The following TMEM8B variants were observed in gnomAD, a reference collection of about 807,000 sequenced individuals.
TMEM8B encodes transmembrane protein 8B.
In TMEM8B, 29 loss-of-function variants were observed where a neutral mutation model predicts 49.3. The observed-to-expected ratio is 0.59, with a 90% CI of 0.44 to 0.80. The LOEUF is 0.80. Among genes scored for constraint, TMEM8B ranks in the 30% least tolerant of loss-of-function variants. TMEM8B has a pLI of 0.00. For missense variants in TMEM8B, 575 were observed against 658.5 expected (o/e 0.87, Z 1.39); for synonymous variants, 264 against 272.8 (o/e 0.97, Z 0.32).
rs1270944465 is a variant in TMEM8B, at chr9:35,856,592, A to G, written c.*2752A>G. ...GATGGACTTTGGGAGACCTTGGAGG[A>G]CAAAGTGCAGTGACCACAGCTATTG... On this transcript the variant is annotated 3_prime_UTR_variant, in exon 13 of 13. Transcript: ENST00000643932. The G allele has an allele frequency of 1.3e-5, 2 of 152,188 alleles. No homozygotes were observed. Among genetic ancestry groups the G allele is most frequent in the Admixed American group, 6.5e-5 (1 of 15,280 alleles). 9.4% of individuals were successfully genotyped at this position (152,188 alleles called of 1,614,324 possible). A position where few individuals can be genotyped will look rare whatever the true frequency, so the allele number is the denominator to read the frequency against.
At chr9:35,833,209 A>G (rs1830084952) in intron 1 of TMEM8B, 1 of 483,246 alleles carries the variant, frequency 2.1e-6, no homozygotes. Flanking sequence ...AGAGAGGGAG[A>G]TGATTGGACT....
At chr9:35,845,946 G>A in intron 6 of TMEM8B, 29 bp from the exon 7 acceptor site, 2 of 1,612,576 alleles carry the variant, frequency 1.2e-6, no homozygotes, top group Non-Finnish European at 1.7e-6. Context: ...AGGATGTGGC[G>A]GCCTCACTTC....
At position 35,830,087 on chromosome 9, in the gene TMEM8B, G is replaced by A. The variant is rs904787969; in HGVS notation, c.508+132G>A. 7.5e-6 allele frequency: 3 copies of A among 401,022 alleles called. No individual in the cohort carries two copies. The Admixed American group carries it at 1.3e-4, about 18-fold the overall frequency. 24.8% of individuals were successfully genotyped at this position (401,022 alleles called of 1,614,324 possible). On this transcript the variant is annotated intron_variant, in intron 1 of 12. Transcript: ENST00000643932. Reference sequence around the variant, plus strand: ...GAGCAAGTGGGAGAAATAGAGAGTAGAGAGGTCTTACACAACAGGGATTGG... The same window carrying A: ...GAGCAAGTGGGAGAAATAGAGAGTAAAGAGGTCTTACACAACAGGGATTGG...
intron 10 of TMEM8B, among the ~76,000 whole-genome samples, chr9:35,849,855 A>G (rs776589212): frequency 2.0e-5 from 3 of 152,236 alleles, no homozygotes; most frequent in Admixed American, 6.5e-5. Context: ...TAATTGTGCA[A>G]CTTGAACCCG....
chr9:35,844,317 T>C (rs941316689), intron 6 of TMEM8B, among the ~76,000 whole-genome samples: 1 of 152,258 alleles, frequency 6.6e-6, no homozygotes, highest in Non-Finnish European at 1.5e-5. Flanking sequence ...TTCTTAGTCA[T>C]TACTGTCAGC....
At chr9:35,836,798 C>G (rs1187295074) in intron 3 of TMEM8B, among the ~76,000 whole-genome samples, 2 of 152,140 alleles carry the variant, frequency 1.3e-5, no homozygotes, top group Admixed American at 1.3e-4. Context: ...CAGAGCTTCC[C>G]CAGGTGTGTG....
chr9:35,850,713 A>G (rs890738743), intron 10 of TMEM8B, among the ~76,000 whole-genome samples: 5 of 152,204 alleles, frequency 3.3e-5, no homozygotes, highest in Admixed American at 3.3e-4. Flanking sequence ...ATGTGTCTTC[A>G]ATGTTTAGTG....
At position 35,845,972 on chromosome 9, in the gene TMEM8B, C is replaced by G. The variant is rs1208399303; in HGVS notation, c.1636-3C>G. ...GCCTCACTTCCATACCTGCCCTCCC[C>G]AGAGCTCCGTGCGCCAGGAAAACGT... On this transcript the variant is annotated splice_polypyrimidine_tract_variant and splice_region_variant and intron_variant, in intron 6 of 12. Transcript: ENST00000643932. 6.2e-7 allele frequency: 1 copy of G among 1,613,878 alleles called. No homozygotes were observed. The highest frequency in any genetic ancestry group is 1.1e-5 in the South Asian group (1 of 91,062).
rs201940289 is a variant in TMEM8B at position 35,853,739 on chromosome 9, C to G, written c.2674C>G (p.Arg892Gly). The change falls in exon 13 of 13, where the codon CGG becomes GGG. Residue 892 changes from arginine (R) to glycine (G), a missense_variant. Transcript: ENST00000643932. This position sits in a 1 kb window ranked among gnomAD's most constrained non-coding sequence, Gnocchi z 4.2. ...KTDHGVPSGA[R>G]ARGCGYQLCI... ...TGACCACGGGGTCCCATCTGGAGCC[C>G]GGGCCCGGGGCTGTGGTTACCAGCT... is the stretch of plus-strand genomic sequence containing the variant. 1.2e-6 allele frequency: 2 copies of G among 1,613,314 alleles called. No homozygotes were observed. Among genetic ancestry groups the G allele is most frequent in the East Asian group, 2.2e-5 (1 of 44,874 alleles).
intron 6 of TMEM8B, among the ~76,000 whole-genome samples, chr9:35,843,334 T>A (rs1158417909): frequency 6.6e-6 from 1 of 152,238 alleles, no homozygotes; most frequent in Non-Finnish European, 1.5e-5. Context: ...TAGTATGATA[T>A]ATTTATTACA....
At chr9:35,839,267 A>G (rs966959700) in intron 3 of TMEM8B, among the ~76,000 whole-genome samples, 1 of 152,130 alleles carries the variant, frequency 6.6e-6, no homozygotes, top group African/African-American at 2.4e-5. Context: ...GCCCATCCAC[A>G]TCTCACTTTT....
intron 10 of TMEM8B, among the ~76,000 whole-genome samples, chr9:35,851,142 G>A (rs1362041752): frequency 2.0e-5 from 3 of 151,982 alleles, no homozygotes; most frequent in South Asian, 2.1e-4. Context: ...TGAGGGTCTC[G>A]TTCTGTCACC....
intron 10 of TMEM8B, among the ~76,000 whole-genome samples, chr9:35,851,617 A>G (rs966099275): frequency 1.3e-5 from 2 of 152,242 alleles, no homozygotes; most frequent in South Asian, 2.1e-4. Flanking sequence ...ATCCTTAGGC[A>G]GTCTCTTTTT....
chr9:35,852,873 T>C lies in TMEM8B; in HGVS notation c.2222T>C (p.Met741Thr), dbSNP rs376489368. The change falls in exon 11 of 13, where the codon ATG becomes ACG. Residue 741 changes from methionine (M) to threonine (T), a missense_variant. Coordinates refer to ENST00000643932, the MANE Select transcript of TMEM8B (RefSeq NM_001042590.4). ...CCAGGCATCGTGGTTTTCTGCATCATGGACTACGATGTGCTGCAGTTCTGT... is the reference window on the plus strand; with the variant it reads ...CCAGGCATCGTGGTTTTCTGCATCACGGACTACGATGTGCTGCAGTTCTGT... ...DQPGIVVFCI[M>T]DYDVLQFCDF... 48 of 1,614,100 alleles carry C rather than the reference T, an allele frequency of 3.0e-5. No homozygotes were observed. The highest frequency in any genetic ancestry group is 3.8e-5 in the Non-Finnish European group (45 of 1,180,040).
chr9:35,845,966 C>T lies in TMEM8B; in HGVS notation c.1636-9C>T, dbSNP rs1831495061. ...GTGGCGGCCTCACTTCCATACCTGC[C>T]CTCCCCAGAGCTCCGTGCGCCAGGA... On this transcript the variant is annotated splice_polypyrimidine_tract_variant and intron_variant, in intron 6 of 12. Transcript: ENST00000643932. 6.2e-7 allele frequency: 1 copy of T among 1,613,712 alleles called. No homozygotes were observed. Among genetic ancestry groups the T allele is most frequent in the Non-Finnish European group, 8.5e-7 (1 of 1,179,860 alleles).
chr9:35,852,713 C>T, intron 10 of TMEM8B, 114 bp from the exon 11 acceptor site: 1 of 1,255,998 alleles, frequency 8.0e-7, no homozygotes, highest in Non-Finnish European at 1.1e-6. Flanking sequence ...CATCTGTGAC[C>T]TTTCACCTCT....
Position 35,846,998 on chromosome 9 carries a change from A to T in TMEM8B, c.2175+3A>T. The T allele has an allele frequency of 6.8e-6, 11 of 1,614,162 alleles. No individual in the cohort carries two copies. Among genetic ancestry groups the T allele is most frequent in the Non-Finnish European group, 9.3e-6 (11 of 1,180,024 alleles). On this transcript the variant is annotated splice_donor_region_variant and intron_variant, in intron 10 of 12. Transcript: ENST00000643932. ...CCTTCACCATGTTCTTCTCCACGGTATGCGGTGGTGTCTGCATCTTATCAC... is the reference window on the plus strand; with the variant it reads ...CCTTCACCATGTTCTTCTCCACGGTTTGCGGTGGTGTCTGCATCTTATCAC...
Position 35,856,174 on chromosome 9 carries a change from A to G in TMEM8B, c.*2334A>G, listed in dbSNP as rs1197215197. 2 of 152,204 alleles carry G rather than the reference A, an allele frequency of 1.3e-5. No homozygotes were observed. Among genetic ancestry groups the G allele is most frequent in the Non-Finnish European group, 2.9e-5 (2 of 68,044 alleles). 9.4% of individuals were successfully genotyped at this position (152,204 alleles called of 1,614,324 possible). A position where few individuals can be genotyped will look rare whatever the true frequency, so the allele number is the denominator to read the frequency against. On this transcript the variant is annotated 3_prime_UTR_variant, in exon 13 of 13. Coordinates refer to ENST00000643932, the MANE Select transcript of TMEM8B (RefSeq NM_001042590.4). ...TTGTGGTCACCAGTGTCCACATGGC[A>G]TCCCTTCCCTGAGATTTTCATCACT...
intron 3 of TMEM8B, among the ~76,000 whole-genome samples, chr9:35,840,352 T>C (rs1392307537): frequency 6.6e-6 from 1 of 152,156 alleles, no homozygotes; most frequent in Non-Finnish European, 1.5e-5. Context: ...AGGATTTGGC[T>C]TTAGCAAGGT....
Sources: gnomAD v4.1 joint callset for allele counts (sites outside exome capture counted in the v4.1 genomes callset) on GRCh38, gnomAD v4.1.1 for gene constraint, Gnocchi (gnomAD v3.1) non-coding constraint, MANE v1.5 for transcripts, NCBI Gene and HGNC (gene_info 2026-07-23, HGNC 2026-07-21) for gene names.